GNAS: variants seen among roughly 807,000 people sequenced by gnomAD.
GNAS encodes GNAS complex locus.
In GNAS, 8 loss-of-function variants were observed where a neutral mutation model predicts 54.5. The ratio of observed to expected loss-of-function variants is 0.15; its 90% confidence interval spans 0.09 to 0.26. GNAS has a LOEUF of 0.26. Among genes scored for constraint, GNAS ranks in the 10% least tolerant of loss-of-function variants. The pLI is 1.00. For synonymous variants in GNAS, 204 were observed against 191.4 expected (o/e 1.07, Z -0.54); for missense variants, 170 against 529.8 (o/e 0.32, Z 6.67).
chr20:58,840,719 G>A (rs764608006), upstream of GNAS: 2 of 1,603,834 alleles, frequency 1.2e-6, no homozygotes, highest in East Asian at 4.5e-5. The surrounding 1 kb of genome is among the most constrained non-coding windows in gnomAD (Gnocchi z 6.0). Context: ...AAGGGACCCC[G>A]AAGAGTCGAA....
intron 1 of GNAS, among the ~76,000 whole-genome samples, chr20:58,877,959 A>C (rs1022000082): frequency 2.6e-5 from 4 of 152,214 alleles, no homozygotes; most frequent in African/African-American, 9.7e-5. Flanking sequence ...AGTCCAGGTT[A>C]GCTGTGGAGT....
chr20:58,891,919 C>T (rs1356102248), intron 1 of GNAS, 54 bp downstream of exon 1: 1 of 957,486 alleles, frequency 1.0e-6, no homozygotes, highest in African/African-American at 1.8e-5. Flanking sequence ...GAAGGGCGCC[C>T]CGCAGGCCGC....
intron 1 of GNAS, among the ~76,000 whole-genome samples, chr20:58,845,422 CT>C (rs1412845899): frequency 1.3e-5 from 2 of 152,184 alleles, no homozygotes; most frequent in African/African-American, 2.4e-5. Flanking sequence ...CTAGACCCCA[CT>C]GTCTGTTTAT....
intron 1 of GNAS, chr20:58,854,826 G>A (rs1163284602): frequency 9.4e-6 from 15 of 1,593,204 alleles, no homozygotes; most frequent in Non-Finnish European, 1.2e-5. Context: ...CCCTGCCTCC[G>A]GGGCCAGACG....
chr20:58,852,244 C>A lies in GNAS; in HGVS notation c.43+11358C>A, dbSNP rs566926032. On this transcript the variant is annotated intron_variant, in intron 1 of 12. Transcript: ENST00000306090. Reference sequence around the variant, plus strand: ...CGCCGCTGTGGGCCACTGCGGAGACCCCTAGAGTGTGATGGGGGTGGGGGC... The same window carrying A: ...CGCCGCTGTGGGCCACTGCGGAGACACCTAGAGTGTGATGGGGGTGGGGGC... Among the ~76,000 whole-genome samples the A allele has an allele frequency of 3.9e-5, 6 of 152,110 alleles. No individual in the cohort carries two copies. In the East Asian group the frequency reaches 1.2e-3, roughly 29 times the overall value.
At chr20:58,889,497 CTT>C (rs1335587103), upstream of GNAS, 11 of 258,702 alleles carry the variant, frequency 4.3e-5, no homozygotes, top group Non-Finnish European at 6.0e-5. Flanking sequence ...AATTCTCTCT[CTT>C]TTCTCTTCTC....
intron 1 of GNAS, chr20:58,892,367 G>A (rs192625762): frequency 1.9e-4 from 33 of 169,666 alleles, no homozygotes; most frequent in African/African-American, 8.1e-4. Context: ...GGGAAGAAAG[G>A]GGCGAGGAGA....
intron 1 of GNAS, among the ~76,000 whole-genome samples, chr20:58,868,169 C>T (rs371483548): frequency 1.1e-4 from 16 of 152,148 alleles, no homozygotes; most frequent in East Asian, 3.9e-4. Flanking sequence ...TACAGGCGCA[C>T]GCCACCACAC....
chr20:58,840,932 A>G lies in GNAS; in HGVS notation c.43+46A>G. The G allele has an allele frequency of 1.2e-6, 2 of 1,601,560 alleles. No homozygotes were observed. Among genetic ancestry groups the G allele is most frequent in the Non-Finnish European group, 1.7e-6 (2 of 1,172,762 alleles). Reference sequence around the variant, plus strand: ...CTGGGGAGCCTGAGGGCGGTGTGGGAGCAGCGCAGGTGGAAAGGAGGTGAG... The same window carrying G: ...CTGGGGAGCCTGAGGGCGGTGTGGGGGCAGCGCAGGTGGAAAGGAGGTGAG... On this transcript the variant is annotated intron_variant, in intron 1 of 12. Coordinates refer to the GNAS transcript ENST00000306090. This position sits in a 1 kb window ranked among gnomAD's most constrained non-coding sequence, Gnocchi z 6.0.
intron 1 of GNAS, among the ~76,000 whole-genome samples, chr20:58,877,655 C>T (rs959357231): frequency 1.3e-5 from 2 of 152,164 alleles, no homozygotes; most frequent in East Asian, 1.9e-4. Context: ...AGAAGCCAGC[C>T]GTGTTTTAGG....
At chr20:58,875,466 T>C (rs1453526559) in intron 1 of GNAS, among the ~76,000 whole-genome samples, 2 of 152,200 alleles carry the variant, frequency 1.3e-5, no homozygotes, top group South Asian at 2.1e-4. Flanking sequence ...ACAAGAGGCA[T>C]TGGGGGGAAC....
At chr20:58,850,880 G>A in intron 1 of GNAS, 1 of 398,756 alleles carries the variant, frequency 2.5e-6, no homozygotes, top group Non-Finnish European at 4.4e-6. Context: ...CACCTCTTCG[G>A]GCGTTCCAAC....
Position 58,841,697 on chromosome 20 carries a change from C to A in GNAS, c.43+811C>A. 3.3e-6 allele frequency: 4 copies of A among 1,205,538 alleles called. No individual in the cohort carries two copies. The highest frequency in any genetic ancestry group is 1.6e-5 in the African/African-American group (1 of 63,992). 74.7% of individuals were successfully genotyped at this position (1,205,538 alleles called of 1,614,324 possible). ...GGAAAGGTAGAGGAGGTAAGGGGAC[C>A]CTTGGGGATGCCCCTACGGGCTACC... On this transcript the variant is annotated intron_variant, in intron 1 of 12. Coordinates refer to the GNAS transcript ENST00000306090. This position sits in a 1 kb window ranked among gnomAD's most constrained non-coding sequence, Gnocchi z 5.0.
chr20:58,900,636 A>G (rs957450802), intron 3 of GNAS, among the ~76,000 whole-genome samples: 9 of 152,320 alleles, frequency 5.9e-5, no homozygotes, highest in African/African-American at 2.2e-4. Context: ...CCTTAGTCCC[A>G]ATTTTGTAGC....
At position 58,853,000 on chromosome 20, in the gene GNAS, G is replaced by C. The variant is rs138274594; in HGVS notation, c.43+12114G>C. ...GGCGTAAGGATAGACCAAGGAAGAG[G>C]GGCTGGGGGGCAGCCTGGGGGCATG... is the stretch of plus-strand genomic sequence containing the variant. On this transcript the variant is annotated intron_variant, in intron 1 of 12. Transcript: ENST00000306090. 3 of 1,275,370 alleles carry C rather than the reference G, an allele frequency of 2.4e-6. No individual in the cohort carries two copies. In the African/African-American group the frequency reaches 4.5e-5, roughly 19 times the overall value. The allele number at this position is 1,275,370 out of a possible 1,614,324, so 79.0% of individuals were successfully genotyped here.
chr20:58,842,410 G>T (rs1025724428), intron 1 of GNAS: 8 of 398,398 alleles, frequency 2.0e-5, no homozygotes, highest in African/African-American at 1.6e-4. Flanking sequence ...CCTAAGAAAA[G>T]GATGATGATA....
intron 1 of GNAS, among the ~76,000 whole-genome samples, chr20:58,876,372 A>ATTAG (rs1204567743): frequency 2.0e-5 from 3 of 152,144 alleles, no homozygotes; most frequent in Admixed American, 6.5e-5. Context: ...GGCAGAGTTC[A>ATTAG]AAGTCACTCA....
rs140846848 is a variant in GNAS at position 58,892,131 on chromosome 20, CTT to C, written c.139+267_139+268del. ...CGGCCTGCCCGCTCAGTGTCTCTCT[CTT>C]GCTCTCGCTCTCGCTCTCCCCCTCT... is the stretch of plus-strand genomic sequence containing the variant. On this transcript the variant is annotated intron_variant, in intron 1 of 12. Coordinates refer to ENST00000371085, the MANE Select transcript of GNAS (RefSeq NM_000516.7). 3.3e-3 allele frequency: 3,172 copies of C among 964,998 alleles called. 80 individuals are homozygous for C. The African/African-American group carries it at 0.051, about 16-fold the overall frequency. The allele number at this position is 964,998 out of a possible 1,614,324, so 59.8% of individuals were successfully genotyped here. A position where few individuals can be genotyped will look rare whatever the true frequency, so the allele number is the denominator to read the frequency against.
chr20:58,844,567 G>A (rs2085869045), intron 1 of GNAS, among the ~76,000 whole-genome samples: 1 of 152,108 alleles, frequency 6.6e-6, no homozygotes, highest in African/African-American at 2.4e-5. Context: ...CTCTGCCTCA[G>A]TTTCTTCTAA....
Sources: gnomAD v4.1 joint callset for allele counts (sites outside exome capture counted in the v4.1 genomes callset) on GRCh38, gnomAD v4.1.1 for gene constraint, Gnocchi (gnomAD v3.1) non-coding constraint, MANE v1.5 for transcripts, NCBI Gene and HGNC (gene_info 2026-07-23, HGNC 2026-07-21) for gene names.